Variants in COL4A1 observed in about 807,000 individuals in gnomAD.
COL4A1 encodes collagen alpha-1(IV) chain.
Under a neutral mutation model 216.6 loss-of-function variants are expected in COL4A1, and 40 were observed. The observed-to-expected ratio is 0.18, with a 90% CI of 0.14 to 0.24. The LOEUF (loss-of-function observed/expected upper bound fraction) is 0.24, where lower values mean the gene tolerates loss of function less well. Among genes scored for constraint, COL4A1 ranks in the 10% least tolerant of loss-of-function variants. The pLI, the probability that COL4A1 is intolerant of heterozygous loss-of-function variation, is 1.00. For missense variants in COL4A1, 1,628 were observed against 2,196.8 expected (o/e 0.74, Z 5.18); for synonymous variants, 839 against 810.7 (o/e 1.03, Z -0.59).
chr13:110,176,745 T>C (rs771692330), intron 34 of COL4A1, 21 bp from the exon 35 acceptor site: 2 of 1,613,606 alleles, frequency 1.2e-6, no homozygotes, highest in Non-Finnish European at 1.7e-6. Flanking sequence ...GAGAAGAAAA[T>C]AGCAATGACC....
chr13:110,248,432 G>T (rs1171642255), intron 1 of COL4A1, among the ~76,000 whole-genome samples: 3 of 152,212 alleles, frequency 2.0e-5, no homozygotes, highest in Non-Finnish European at 4.4e-5. Flanking sequence ...AAGCCCCACG[G>T]CCACACGGCA....
At chr13:110,224,850 C>T (rs1880663692) in intron 2 of COL4A1, among the ~76,000 whole-genome samples, 1 of 151,952 alleles carries the variant, frequency 6.6e-6, no homozygotes, top group Admixed American at 6.6e-5. Flanking sequence ...CAGGAAACAC[C>T]ACAAGGTAGG....
rs1386647713 is a variant in COL4A1 at position 110,187,305 on chromosome 13, T to C, written c.1561A>G (p.Ile521Val). 1 of 1,612,668 alleles carries C rather than the reference T, an allele frequency of 6.2e-7. No individual in the cohort carries two copies. The highest frequency in any genetic ancestry group is 8.5e-7 in the Non-Finnish European group (1 of 1,179,874). ...TCCCCCTTGGCTCCTGGCTGGCCTA[T>C]CAGCCCTGGTGTACCTTGAGGGCCC... ...VPGPQGTPGL[I>V]GQPGAKGEPG... The change falls in exon 25 of 52, where the codon ATA (isoleucine) becomes GTA (valine). Residue 521 changes from isoleucine (I) to valine (V), a missense_variant. Transcript: ENST00000375820.
intron 28 of COL4A1, 112 bp downstream of exon 28, chr13:110,182,881 C>T: frequency 1.0e-6 from 1 of 1,001,150 alleles, no homozygotes; most frequent in South Asian, 1.5e-5. Flanking sequence ...CTTCTGAAAG[C>T]CTCCCTGAAC....
rs369860487 is a variant in COL4A1 at position 110,276,066 on chromosome 13, G to C, written c.84+30878C>G. Reference sequence around the variant, plus strand: ...ACCCCAGCATGAACTATGGACGGGGGATAGTGACGTGTCGGTGCAGGTTCA... The same window carrying C: ...ACCCCAGCATGAACTATGGACGGGGCATAGTGACGTGTCGGTGCAGGTTCA... On this transcript the variant is annotated intron_variant, in intron 1 of 51. Coordinates refer to ENST00000375820, the MANE Select transcript of COL4A1 (RefSeq NM_001845.6). Among the ~76,000 whole-genome samples, 357 of 152,092 alleles carry C rather than the reference G, an allele frequency of 2.3e-3. 2 individuals are homozygous for C. The highest frequency in any genetic ancestry group is 0.02 in the Middle Eastern group (6 of 294).
At chr13:110,304,121 T>C (rs1884598205) in intron 1 of COL4A1, among the ~76,000 whole-genome samples, 1 of 152,152 alleles carries the variant, frequency 6.6e-6, no homozygotes, top group Non-Finnish European at 1.5e-5. Flanking sequence ...TAAAGTTATG[T>C]CCCTTCACCC....
chr13:110,217,523 A>G (rs1341466938), intron 2 of COL4A1, among the ~76,000 whole-genome samples: 1 of 152,232 alleles, frequency 6.6e-6, no homozygotes, highest in Non-Finnish European at 1.5e-5. Flanking sequence ...CATGTCAGGC[A>G]AAAATGAAAA....
rs771281179 is a variant in COL4A1 at position 110,178,971 on chromosome 13, G to A, written c.2410C>T (p.Pro804Ser). Residue 804 changes from proline to serine, a missense_variant, in exon 31 of 52, where the codon CCT (proline) becomes TCT (serine). Transcript: ENST00000375820. ...GSPGVPGIGP[P>S]GARGPPGGQG... ...CCTCCAGGGGGACCCCTAGCTCCAG[G>A]GGGGCCTATTCCTGGAACTCCTGGA... is the stretch of plus-strand genomic sequence containing the variant. 2.5e-6 allele frequency: 4 copies of A among 1,612,458 alleles called. No individual in the cohort carries two copies. The African/African-American group carries it at 4.0e-5, about 16-fold the overall frequency.
At chr13:110,155,805 G>A (rs1227694595) in intron 49 of COL4A1, among the ~76,000 whole-genome samples, 2 of 152,142 alleles carry the variant, frequency 1.3e-5, no homozygotes, top group Non-Finnish European at 1.5e-5. Flanking sequence ...CCAGCTACTC[G>A]GGAGGCTGAG....
intron 1 of COL4A1, among the ~76,000 whole-genome samples, chr13:110,249,364 C>G (rs112661883): frequency 6.6e-6 from 1 of 152,112 alleles, no homozygotes; most frequent in Non-Finnish European, 1.5e-5. Context: ...GTGCTTAAGC[C>G]TGTTCACAGC....
chr13:110,163,363 A>T (rs770856645), intron 47 of COL4A1, 100 bp downstream of exon 47: 2 of 953,708 alleles, frequency 2.1e-6, no homozygotes, highest in Non-Finnish European at 3.4e-6. Context: ...GTCAAGTGAT[A>T]TATCCAACTT....
intron 2 of COL4A1, among the ~76,000 whole-genome samples, chr13:110,234,892 C>T (rs1449285688): frequency 6.6e-6 from 1 of 152,150 alleles, no homozygotes; most frequent in African/African-American, 2.4e-5. Context: ...CATGTATAAA[C>T]AAAGGCATTC....
At chr13:110,287,399 G>A (rs541318615) in intron 1 of COL4A1, among the ~76,000 whole-genome samples, 55 of 152,186 alleles carry the variant, frequency 3.6e-4, no homozygotes, top group Non-Finnish European at 7.3e-4. Context: ...TGCCCACAAA[G>A]GATCCAGTCC....
At position 110,162,451 on chromosome 13, in the gene COL4A1, T is replaced by C. The variant is rs1877130300; in HGVS notation, c.4250-9A>G. 1.9e-6 allele frequency: 3 copies of C among 1,608,200 alleles called. No individual in the cohort carries two copies. Among genetic ancestry groups the C allele is most frequent in the South Asian group, 1.1e-5 (1 of 90,948 alleles). On this transcript the variant is annotated splice_polypyrimidine_tract_variant and intron_variant, in intron 47 of 51. Coordinates refer to ENST00000375820, the MANE Select transcript of COL4A1 (RefSeq NM_001845.6). ...TGGAAATCCTCTTGGACCTGGAAGA[T>C]AGGAGACAAATTAGTTTCCCTAATT... is the stretch of plus-strand genomic sequence containing the variant.
At chr13:110,214,078 G>T in intron 2 of COL4A1, 63 bp from the exon 3 acceptor site, 1 of 1,323,146 alleles carries the variant, frequency 7.6e-7, no homozygotes, top group South Asian at 1.2e-5. Flanking sequence ...AGGAATTGGT[G>T]ACCAACTGTG....
intron 1 of COL4A1, among the ~76,000 whole-genome samples, chr13:110,274,370 A>G (rs1883357926): frequency 5.3e-5 from 8 of 152,224 alleles, no homozygotes; most frequent in Admixed American, 5.2e-4. Flanking sequence ...GTGTTATTAG[A>G]TGTTCTGATC....
chr13:110,258,270 G>C (rs1328529977), intron 1 of COL4A1, among the ~76,000 whole-genome samples: 2 of 152,248 alleles, frequency 1.3e-5, no homozygotes, highest in Non-Finnish European at 2.9e-5. Context: ...CGGCGCAGTG[G>C]CTCATGCCTG....
intron 1 of COL4A1, 121 bp from the exon 2 acceptor site, chr13:110,242,855 A>G: frequency 9.2e-7 from 1 of 1,081,754 alleles, no homozygotes; most frequent in Non-Finnish European, 1.4e-6. Flanking sequence ...TGTCCTTCGG[A>G]CACAATCTTA....
At chr13:110,282,520 A>G (rs1037723017) in intron 1 of COL4A1, among the ~76,000 whole-genome samples, 1 of 152,214 alleles carries the variant, frequency 6.6e-6, no homozygotes, top group African/African-American at 2.4e-5. Flanking sequence ...TAGATTAGCA[A>G]TGGCAAGCTG....
Sources: allele counts gnomAD v4.1 joint callset (sites outside exome capture counted in the v4.1 genomes callset), GRCh38; gene constraint gnomAD v4.1.1; transcripts MANE v1.5; gene names NCBI Gene and HGNC (gene_info 2026-07-23, HGNC 2026-07-21).